NIPA1: variants seen among roughly 807,000 people sequenced by gnomAD.
NIPA1 encodes the protein magnesium transporter NIPA1.
NIPA1 carries 13 observed loss-of-function variants against 23.9 expected under a neutral mutation model. The ratio of observed to expected loss-of-function variants is 0.54; its 90% CI spans 0.35 to 0.87. The LOEUF (loss-of-function observed/expected upper bound fraction) is 0.87, where lower values mean the gene tolerates loss of function less well. NIPA1 is among the 40% of genes least tolerant of loss of function. The pLI, the probability that NIPA1 is intolerant of heterozygous loss-of-function variation, is 0.01. For missense variants in NIPA1, 362 were observed against 429.7 expected, an observed-to-expected ratio of 0.84 and a Z score of 1.39; for synonymous variants, 234 against 202.9, an observed-to-expected ratio of 1.15 and a Z score of -1.30.
intron 3 of NIPA1, among the ~76,000 whole-genome samples, chr15:22,818,160 C>A (rs57501181): frequency 1.9e-3 from 291 of 152,206 alleles, no homozygotes; most frequent in Admixed American, 3.1e-3. Flanking sequence ...AAACTCTTGC[C>A]GGTCGTGGTG....
chr15:22,820,672 C>T (rs1403548667), intron 4 of NIPA1, among the ~76,000 whole-genome samples, 199 bp downstream of exon 4: 2 of 152,022 alleles, frequency 1.3e-5, no homozygotes, highest in Non-Finnish European at 2.9e-5. Context: ...CCTCACCCTC[C>T]CGCCTGATCC....
At chr15:22,814,228 T>G in intron 3 of NIPA1, 1 of 559,910 alleles carries the variant, frequency 1.8e-6, no homozygotes, top group Non-Finnish European at 2.8e-6. Context: ...ATTATCAAAG[T>G]GTGCATATAT....
chr15:22,805,265 A>C (rs1176556785), intron 1 of NIPA1, among the ~76,000 whole-genome samples: 1 of 152,240 alleles, frequency 6.6e-6, no homozygotes, highest in East Asian at 1.9e-4. Flanking sequence ...AAGAACTTCA[A>C]ATATTAAGTC....
chr15:22,812,087 AG>A, intron 2 of NIPA1, 75 bp from the exon 3 acceptor site: 1 of 1,072,136 alleles, frequency 9.3e-7, no homozygotes, highest in East Asian at 2.5e-5. Flanking sequence ...GGCAGAGCCT[AG>A]CGTAATTCAA....
intron 3 of NIPA1, 112 bp from the exon 4 acceptor site, chr15:22,820,201 A>T: frequency 1.3e-6 from 1 of 791,998 alleles, no homozygotes; most frequent in Non-Finnish European, 2.1e-6. Flanking sequence ...GGTCTCTTAA[A>T]GGGAAAAAAA....
At chr15:22,814,228 T>C (rs950103373) in intron 3 of NIPA1, 7 of 559,792 alleles carry the variant, frequency 1.3e-5, no homozygotes, top group Non-Finnish European at 1.9e-5. Flanking sequence ...ATTATCAAAG[T>C]GTGCATATAT....
At chr15:22,815,654 C>T (rs1395256250) in intron 3 of NIPA1, among the ~76,000 whole-genome samples, 1 of 148,866 alleles carries the variant, frequency 6.7e-6, no homozygotes, top group African/African-American at 2.5e-5. Flanking sequence ...AGATAAAGCT[C>T]ATTAAAAAAA....
intron 1 of NIPA1, among the ~76,000 whole-genome samples, chr15:22,788,240 G>T (rs7181713): frequency 0.25 from 38,120 of 151,926 alleles, 6,092 homozygotes; most frequent in Non-Finnish European, 0.36. Flanking sequence ...GGTGGCTGGT[G>T]CCTGTAGTCC....
rs192788046 is a variant in NIPA1, at chr15:22,811,705, T to G, written c.227-458T>G. On this transcript the variant is annotated intron_variant, in intron 2 of 4. Transcript: ENST00000337435. ...TTCTGTTCCTTGAAGAGCTCCTCTTTAAGCTCCATCTGGGTGATGTCCCTG... is the reference window on the plus strand; with the variant it reads ...TTCTGTTCCTTGAAGAGCTCCTCTTGAAGCTCCATCTGGGTGATGTCCCTG... Among the ~76,000 whole-genome samples the G allele has an allele frequency of 3.4e-4, 52 of 152,338 alleles. 1 individual carries two copies. The highest frequency in any genetic ancestry group is 1.3e-3 in the African/African-American group (52 of 41,576).
rs1337610115 is a variant in NIPA1, at chr15:22,812,224, C to G, written c.288C>G (p.Thr96=). ...AYTAVPTVLV[T]PLGALGVPFG... The stretch of plus-strand genomic sequence containing the variant: ...CGGCGGTCCCCACGGTCCTGGTAAC[C>G]CCCCTGGGCGCCCTTGGAGTACCGT... The change falls in exon 3 of 5, where the codon ACC becomes ACG. Residue 96 remains threonine (T), a synonymous_variant. Coordinates refer to ENST00000337435, the MANE Select transcript of NIPA1 (RefSeq NM_144599.5). 37 of 1,613,772 alleles carry G rather than the reference C, an allele frequency of 2.3e-5. No individual in the cohort carries two copies. Among genetic ancestry groups the G allele is most frequent in the Non-Finnish European group, 3.1e-5 (37 of 1,179,712 alleles).
At chr15:22,786,236 G>A (rs1302604243), upstream of NIPA1, 2 of 152,000 alleles carry the variant, frequency 1.3e-5, no homozygotes, top group Admixed American at 6.5e-5. Flanking sequence ...GGCGCGCCGG[G>A]CTTCGCGCTC....
intron 1 of NIPA1, among the ~76,000 whole-genome samples, chr15:22,802,704 C>T (rs1197532318): frequency 6.6e-6 from 1 of 152,104 alleles, no homozygotes; most frequent in South Asian, 2.1e-4. Flanking sequence ...TTCCCTGGTG[C>T]CTCATCCCCC....
chr15:22,806,008 C>T (rs1303394362), intron 1 of NIPA1, among the ~76,000 whole-genome samples: 2 of 152,082 alleles, frequency 1.3e-5, no homozygotes, highest in East Asian at 1.9e-4. Flanking sequence ...ACTGCAAGCT[C>T]CGCCTTCTGG....
intron 1 of NIPA1, among the ~76,000 whole-genome samples, chr15:22,803,210 G>A (rs886652660): frequency 2.0e-5 from 3 of 152,126 alleles, no homozygotes; most frequent in African/African-American, 7.2e-5. Context: ...ACTCACCTCG[G>A]CCTCCCAAAG....
chr15:22,811,883 C>T (rs1293835499), intron 2 of NIPA1, among the ~76,000 whole-genome samples: 2 of 152,160 alleles, frequency 1.3e-5, no homozygotes, highest in African/African-American at 4.8e-5. Flanking sequence ...GTTAAGAGAG[C>T]GGAGATATGC....
Position 22,824,129 on chromosome 15 carries a change from A to T in NIPA1, c.880A>T (p.Met294Leu). Residue 294 changes from methionine to leucine, a missense_variant, in exon 5 of 5, where the codon ATG becomes TTG. Coordinates refer to ENST00000337435, the MANE Select transcript of NIPA1 (RefSeq NM_144599.5). This position sits in a 1 kb window ranked among gnomAD's most constrained non-coding sequence, Gnocchi z 4.1. ...SNVGLVDFLG[M>L]ACGFTTVSVG... ...CGTGGGCCTGGTGGACTTCTTGGGG[A>T]TGGCCTGTGGATTCACGACCGTCTC... 6.2e-7 allele frequency: 1 copy of T among 1,613,986 alleles called. No homozygotes were observed. Among genetic ancestry groups the T allele is most frequent in the Non-Finnish European group, 8.5e-7 (1 of 1,179,892 alleles).
At chr15:22,815,515 A>G (rs1895398092) in intron 3 of NIPA1, among the ~76,000 whole-genome samples, 1 of 152,058 alleles carries the variant, frequency 6.6e-6, no homozygotes, top group East Asian at 1.9e-4. Flanking sequence ...GGTGGCACAC[A>G]CCTGTAATCC....
chr15:22,821,560 C>T (rs1895539816), intron 4 of NIPA1, among the ~76,000 whole-genome samples: 1 of 151,908 alleles, frequency 6.6e-6, no homozygotes, highest in Non-Finnish European at 1.5e-5. Context: ...TGCATGTCCA[C>T]ACTCGCTGGT....
chr15:22,814,185 T>C lies in NIPA1; in HGVS notation c.317+1932T>C, dbSNP rs547028856. Reference sequence around the variant, plus strand: ...CCTTTTCTTTTAAACAGAATAAAACTAAAATTAATTTGGAAAAAAACAATC... The same window carrying C: ...CCTTTTCTTTTAAACAGAATAAAACCAAAATTAATTTGGAAAAAAACAATC... On this transcript the variant is annotated intron_variant, in intron 3 of 4. Coordinates refer to ENST00000337435, the MANE Select transcript of NIPA1 (RefSeq NM_144599.5). 1.8e-4 allele frequency: 176 copies of C among 961,398 alleles called. No homozygotes were observed. In the African/African-American group the frequency reaches 2.7e-3, roughly 15 times the overall value. 59.6% of individuals were successfully genotyped at this position (961,398 alleles called of 1,614,324 possible).
Sources: allele counts gnomAD v4.1 joint callset (sites outside exome capture counted in the v4.1 genomes callset), GRCh38; gene constraint gnomAD v4.1.1; non-coding constraint Gnocchi (gnomAD v3.1); transcripts MANE v1.5; gene names NCBI Gene and HGNC (gene_info 2026-07-23, HGNC 2026-07-21).